NARS2: variants seen among roughly 807,000 people sequenced by gnomAD.
The protein encoded by NARS2 is asparaginyl-tRNA synthetase 2, mitochondrial.
A neutral mutation model predicts 62.9 loss-of-function variants in NARS2; 60 were observed. That is an observed-to-expected ratio of 0.95 (90% confidence interval 0.77 to 1.18). The LOEUF (loss-of-function observed/expected upper bound fraction) is 1.18. NARS2 is among the 50% of genes most tolerant of loss of function. The pLI, the probability that NARS2 is intolerant of heterozygous loss-of-function variation, is 0.00. For missense variants in NARS2, 619 were observed against 576.4 expected, an observed-to-expected ratio of 1.07 and a Z score of -0.76; for synonymous variants, 196 against 200.0, an observed-to-expected ratio of 0.98 and a Z score of 0.17.
At chr11:78,478,153 T>C (rs1353038187) in intron 9 of NARS2, among the ~76,000 whole-genome samples, 1 of 151,718 alleles carries the variant, frequency 6.6e-6, no homozygotes, top group Non-Finnish European at 1.5e-5. Flanking sequence ...TGAATTATAG[T>C]TACATAGTTA....
chr11:78,495,396 CT>C (rs1163813143), intron 6 of NARS2, among the ~76,000 whole-genome samples: 1 of 152,150 alleles, frequency 6.6e-6, no homozygotes, highest in Non-Finnish European at 1.5e-5. Context: ...GTCACTTCCC[CT>C]TTGAATCCTT....
chr11:78,494,406 AAGATCAGAAAACTTAGTGT>A (rs1008038507), intron 6 of NARS2, among the ~76,000 whole-genome samples: 3 of 152,008 alleles, frequency 2.0e-5, no homozygotes, highest in African/African-American at 7.2e-5. Context: ...AAATAATATT[AAGATCAGAAAACTTAGTGT>A]AGAAAATAGA....
intron 9 of NARS2, among the ~76,000 whole-genome samples, chr11:78,470,918 A>G (rs1265959176): frequency 1.3e-5 from 2 of 149,086 alleles, no homozygotes; most frequent in East Asian, 3.9e-4. Flanking sequence ...AAAATCTACA[A>G]ACTTCCTGAA....
intron 5 of NARS2, among the ~76,000 whole-genome samples, chr11:78,534,612 A>AT (rs1861603691): frequency 4.6e-5 from 7 of 152,188 alleles, no homozygotes; most frequent in African/African-American, 1.4e-4. Context: ...AAACCTCTTA[A>AT]GATCAAAGAT....
intron 6 of NARS2, among the ~76,000 whole-genome samples, chr11:78,525,902 A>G (rs73506937): frequency 0.11 from 17,258 of 152,052 alleles, 3,183 homozygotes; most frequent in African/African-American, 0.39. Flanking sequence ...TACCCAAATA[A>G]CCCTAGTCTA....
intron 6 of NARS2, among the ~76,000 whole-genome samples, chr11:78,522,120 T>G (rs1028318584): frequency 1.9e-5 from 2 of 104,308 alleles, no homozygotes; most frequent in African/African-American, 1.7e-4. Context: ...ATCCAGCTAA[T>G]TTTTTTTTTT....
chr11:78,554,810 G>A (rs1478047296), intron 5 of NARS2, among the ~76,000 whole-genome samples: 1 of 152,152 alleles, frequency 6.6e-6, no homozygotes, highest in African/African-American at 2.4e-5. Flanking sequence ...CTATGTTGAA[G>A]AGAAGTGGTG....
chr11:78,559,558 C>G lies in NARS2; in HGVS notation c.575G>C (p.Gly192Ala), dbSNP rs751719345. Residue 192 changes from glycine (G) to alanine (A), a missense_variant, in exon 5 of 14, where the codon GGA becomes GCA. Coordinates refer to ENST00000281038, the MANE Select transcript of NARS2 (RefSeq NM_024678.6). ...ACTTACTTCAAGTTGAAAAAGTTCTCCAGCTCCCTCAGAGTCATTGGATGT... is the reference window on the plus strand; with the variant it reads ...ACTTACTTCAAGTTGAAAAAGTTCTGCAGCTCCCTCAGAGTCATTGGATGT... ...IITSNDSEGAGELFQLEPSGK... is the reference protein window; with the variant it reads ...IITSNDSEGAAELFQLEPSGK... The G allele has an allele frequency of 1.2e-6, 2 of 1,612,472 alleles. No homozygotes were observed. Among genetic ancestry groups the G allele is most frequent in the South Asian group, 1.1e-5 (1 of 91,036 alleles).
intron 6 of NARS2, among the ~76,000 whole-genome samples, chr11:78,499,062 G>A (rs893945784): frequency 1.3e-5 from 2 of 151,548 alleles, no homozygotes; most frequent in South Asian, 4.2e-4. Flanking sequence ...GACTACAGGC[G>A]CCCGCCACCA....
chr11:78,471,691 C>G (rs773557517), intron 9 of NARS2, among the ~76,000 whole-genome samples: 26 of 124,900 alleles, frequency 2.1e-4, no homozygotes, highest in Non-Finnish European at 3.3e-4. Flanking sequence ...CCCCTCCCCC[C>G]ACCCCACCAC....
At chr11:78,511,625 G>A (rs1860724578) in intron 6 of NARS2, among the ~76,000 whole-genome samples, 1 of 152,100 alleles carries the variant, frequency 6.6e-6, no homozygotes, top group Non-Finnish European at 1.5e-5. Context: ...GCTGAGGGAG[G>A]AGAATGGCGT....
chr11:78,536,899 A>G (rs905345877), intron 5 of NARS2, among the ~76,000 whole-genome samples: 2 of 152,236 alleles, frequency 1.3e-5, no homozygotes, highest in African/African-American at 2.4e-5. Context: ...GTACCATTAA[A>G]AGAAAAAAAC....
At chr11:78,514,210 C>T (rs1302820092) in intron 6 of NARS2, among the ~76,000 whole-genome samples, 6 of 152,166 alleles carry the variant, frequency 3.9e-5, no homozygotes, top group Non-Finnish European at 8.8e-5. Context: ...GCAGCCTCGA[C>T]CTCCTGGACT....
rs4474465 is a variant in NARS2 at position 78,493,334 on chromosome 11, C to T, written c.690-139G>A. 0.76 allele frequency: 567,358 copies of T among 744,372 alleles called. 219,209 individuals are homozygous for T. Among genetic ancestry groups the T allele is most frequent in the Non-Finnish European group, 0.81 (375,363 of 461,494 alleles). The allele number at this position is 744,372 out of a possible 1,614,324, so 46.1% of individuals were successfully genotyped here. A position where few individuals can be genotyped will look rare whatever the true frequency, so the allele number is the denominator to read the frequency against. ...ACAGACTGACACATATTTGCTGCTACATATTTCTCTAATAGGTGATAATAA... is the reference window on the plus strand; with the variant it reads ...ACAGACTGACACATATTTGCTGCTATATATTTCTCTAATAGGTGATAATAA... On this transcript the variant is annotated intron_variant, in intron 6 of 13. Coordinates refer to ENST00000281038, the MANE Select transcript of NARS2 (RefSeq NM_024678.6).
intron 6 of NARS2, among the ~76,000 whole-genome samples, chr11:78,506,432 T>TC (rs1860501824): frequency 6.6e-6 from 1 of 152,192 alleles, no homozygotes; most frequent in Non-Finnish European, 1.5e-5. Flanking sequence ...CAACTAAGTA[T>TC]CAAACGACAG....
At position 78,574,432 on chromosome 11, in the gene NARS2, G is replaced by A. The variant is rs780999208; in HGVS notation, c.57C>T (p.Phe19=). 7 of 1,614,074 alleles carry A rather than the reference G, an allele frequency of 4.3e-6. No homozygotes were observed. The highest frequency in any genetic ancestry group is 3.3e-5 in the South Asian group (3 of 91,090). ...GTTTGGCTGAAGGTTTGTGCTTGGG[G>A]AAGGGGGCGGAGGAACAGAAGCGCA... ...RSVRFCSSAP[F]PKHKPSAKLS... Residue 19 remains phenylalanine (F), a synonymous_variant, in exon 1 of 14, where the codon TTC becomes TTT. Transcript: ENST00000281038.
intron 6 of NARS2, among the ~76,000 whole-genome samples, chr11:78,508,204 A>C (rs1590792621): frequency 6.6e-6 from 1 of 152,238 alleles, no homozygotes; most frequent in East Asian, 1.9e-4. Flanking sequence ...AACAGAAAGA[A>C]AAGACTGAAA....
chr11:78,534,473 G>C (rs1029148401), intron 5 of NARS2, among the ~76,000 whole-genome samples: 1 of 152,080 alleles, frequency 6.6e-6, no homozygotes, highest in African/African-American at 2.4e-5. Flanking sequence ...TGGAATGTTG[G>C]TACACCTAAA....
intron 11 of NARS2, among the ~76,000 whole-genome samples, chr11:78,459,183 G>A (rs989308955): frequency 2.6e-5 from 4 of 151,508 alleles, no homozygotes; most frequent in African/African-American, 2.4e-5. Flanking sequence ...CCAAAGTGCT[G>A]GGATTACAAG....
Sources: gnomAD v4.1 joint callset for allele counts (sites outside exome capture counted in the v4.1 genomes callset) on GRCh38, gnomAD v4.1.1 for gene constraint, MANE v1.5 for transcripts, NCBI Gene and HGNC (gene_info 2026-07-23, HGNC 2026-07-21) for gene names.